Variants in RANBP2 observed in about 807,000 individuals in gnomAD.
RANBP2 encodes the protein E3 SUMO-protein ligase RanBP2.
A neutral mutation model predicts 303.6 loss-of-function variants in RANBP2; 57 were observed. That is an observed-to-expected ratio of 0.19 (90% CI 0.15 to 0.23). The LOEUF is 0.23. Among genes scored for constraint, RANBP2 ranks in the 10% least tolerant of loss-of-function variants. The pLI is 1.00. For synonymous variants in RANBP2, 1,167 were observed against 1,301.5 expected, an observed-to-expected ratio of 0.90 and a Z score of 2.23; for missense variants, 3,138 against 3,780.8, an observed-to-expected ratio of 0.83 and a Z score of 4.46.
At chr2:109,449,400 G>A in the RANBP2 span, 10 of 1,613,302 alleles carry the variant, frequency 6.2e-6, no homozygotes, top group African/African-American at 4.0e-5. Flanking sequence ...AAACCTCAAC[G>A]GGGAGGCTGG....
the RANBP2 span, among the ~76,000 whole-genome samples, chr2:109,498,195 C>A: frequency 1.3e-5 from 2 of 152,260 alleles, no homozygotes; most frequent in African/African-American, 2.4e-5. Context: ...TCTGGTTCGC[C>A]GGCAGATAGC....
the RANBP2 span, among the ~76,000 whole-genome samples, chr2:109,447,408 T>C: frequency 1.6e-4 from 24 of 152,226 alleles, no homozygotes; most frequent in African/African-American, 5.3e-4. Flanking sequence ...GATTAACGAG[T>C]GCATAGTTGG....
the RANBP2 span, among the ~76,000 whole-genome samples, chr2:108,843,834 A>G: frequency 8.8e-6 from 1 of 113,930 alleles, no homozygotes; most frequent in Non-Finnish European, 1.8e-5. Flanking sequence ...TATTTCTTCA[A>G]GTTCATGTTT....
the RANBP2 span, among the ~76,000 whole-genome samples, chr2:108,948,629 G>T: frequency 6.6e-6 from 1 of 152,166 alleles, no homozygotes; most frequent in Admixed American, 6.5e-5. Flanking sequence ...GAGAGAGAGA[G>T]AGTGAAGTGG....
chr2:108,862,792 C>T, the RANBP2 span, among the ~76,000 whole-genome samples: 1 of 151,836 alleles, frequency 6.6e-6, no homozygotes, highest in Non-Finnish European at 1.5e-5. Flanking sequence ...TGTTGGCCAC[C>T]TTTTGTTTTT....
chr2:108,817,759 T>G, the RANBP2 span, among the ~76,000 whole-genome samples: 1 of 152,188 alleles, frequency 6.6e-6, no homozygotes, highest in African/African-American at 2.4e-5. Flanking sequence ...GTATATACAT[T>G]GATTTTGGCT....
At chr2:109,516,188 G>A in the RANBP2 span, among the ~76,000 whole-genome samples, 196 of 152,146 alleles carry the variant, frequency 1.3e-3, no homozygotes, top group African/African-American at 4.2e-3. Flanking sequence ...CAGGCCTCCT[G>A]GCACTCTACA....
chr2:109,659,115 G>A, the RANBP2 span, among the ~76,000 whole-genome samples: 1 of 149,312 alleles, frequency 6.7e-6, no homozygotes, highest in African/African-American at 2.5e-5. Context: ...AGTGGCTTAT[G>A]CCTGTAAGCC....
chr2:109,702,625 G>C, the RANBP2 span, among the ~76,000 whole-genome samples: 1 of 152,144 alleles, frequency 6.6e-6, no homozygotes, highest in Non-Finnish European at 1.5e-5. Flanking sequence ...TACTCAGAGA[G>C]AATTTATTTT....
the RANBP2 span, among the ~76,000 whole-genome samples, chr2:109,683,921 TC>T: frequency 6.6e-6 from 1 of 151,388 alleles, no homozygotes; most frequent in Admixed American, 6.6e-5. Context: ...GCTTTTAGTT[TC>T]CCCCAAATAT....
At chr2:109,454,493 CA>C in the RANBP2 span, among the ~76,000 whole-genome samples, 2 of 152,214 alleles carry the variant, frequency 1.3e-5, no homozygotes, top group African/African-American at 4.8e-5. Context: ...TGTCCCTGTG[CA>C]GTTGACCAAG....
the RANBP2 span, chr2:108,907,787 A>G: frequency 5.1e-6 from 8 of 1,571,712 alleles, no homozygotes; most frequent in African/African-American, 1.1e-4. Flanking sequence ...CTGATTCAAT[A>G]AGAAAGTTTT....
At chr2:109,009,718 T>G in the RANBP2 span, among the ~76,000 whole-genome samples, 10 of 150,320 alleles carry the variant, frequency 6.7e-5, no homozygotes, top group Admixed American at 5.3e-4. Flanking sequence ...TTTGTTTTTT[T>G]TTTTTTTGCA....
chr2:109,614,116 T>G, the RANBP2 span: 11 of 1,207,362 alleles, frequency 9.1e-6, no homozygotes, highest in African/African-American at 3.1e-5. Context: ...TGGGGCGGGC[T>G]GAAGGAGAGC....
chr2:108,856,641 C>T, the RANBP2 span: 1 of 202,362 alleles, frequency 4.9e-6, no homozygotes, highest in African/African-American at 2.4e-5. Flanking sequence ...TCTGACAAAT[C>T]AGTTAGAATC....
the RANBP2 span, among the ~76,000 whole-genome samples, chr2:109,383,406 C>T: frequency 2.3e-3 from 353 of 152,286 alleles, 2 homozygotes; most frequent in African/African-American, 7.9e-3. Context: ...GCTGCCTCAC[C>T]CTTAGTTCTA....
At chr2:109,436,668 T>C in the RANBP2 span, among the ~76,000 whole-genome samples, 4 of 152,254 alleles carry the variant, frequency 2.6e-5, no homozygotes, top group African/African-American at 9.6e-5. Context: ...TCAGGGCGGC[T>C]TTGCTATCTC....
In RANBP2 at chr2:108,756,146, C is replaced by T. The variant is rs555516392; in HGVS notation, c.2466+887C>T. Among the ~76,000 whole-genome samples the T allele has an allele frequency of 2.0e-5, 3 of 152,260 alleles. No homozygotes were observed. In the East Asian group the frequency reaches 5.8e-4, roughly 29 times the overall value. On this transcript the variant is annotated intron_variant, in intron 17 of 28. Transcript: ENST00000283195. ...AGAGTTCGTGGCACAGAGAAGGTTC[C>T]TGAGTGATTGAACTGCTACCATGTA...
Position 108,784,502 on chromosome 2 carries a change from T to C in RANBP2, c.*601T>C, listed in dbSNP as rs1236789430. ...TCCTTCCTTAAAATATCTAGCTTCC[T>C]GTGCCCTTTCATAGATATTCGATTA... On this transcript the variant is annotated 3_prime_UTR_variant, in exon 29 of 29. Transcript: ENST00000283195. 6.5e-6 allele frequency: 1 copy of C among 152,726 alleles called. No individual in the cohort carries two copies. The highest frequency in any genetic ancestry group is 1.5e-5 in the Non-Finnish European group (1 of 68,088). 9.5% of individuals were successfully genotyped at this position (152,726 alleles called of 1,614,324 possible).
Sources: allele counts gnomAD v4.1 joint callset (sites outside exome capture counted in the v4.1 genomes callset), GRCh38; gene constraint gnomAD v4.1.1; transcripts MANE v1.5; gene names NCBI Gene and HGNC (gene_info 2026-07-23, HGNC 2026-07-21).